Variants in FOXJ3 observed in about 807,000 individuals in gnomAD.
FOXJ3 encodes the protein forkhead box J3.
Under a neutral mutation model 76.1 loss-of-function variants are expected in FOXJ3, and 22 were observed. That is an observed-to-expected ratio of 0.29 (90% confidence interval 0.21 to 0.41). The LOEUF (loss-of-function observed/expected upper bound fraction) is 0.41. FOXJ3 is among the 10% of genes least tolerant of loss of function. FOXJ3 has a pLI of 1.00. For synonymous variants in FOXJ3, 269 were observed against 261.2 expected (o/e 1.03, Z -0.29); for missense variants, 613 against 762.1 (o/e 0.80, Z 2.30).
chr1:42,199,298 AATT>A, intron 6 of FOXJ3, 68 bp from the exon 7 acceptor site: 1 of 1,396,846 alleles, frequency 7.2e-7, no homozygotes, highest in East Asian at 2.3e-5. Flanking sequence ...GCAAAAATAC[AATT>A]GAGCAGGCAT....
At chr1:42,225,706 T>G (rs146167365) in intron 5 of FOXJ3, among the ~76,000 whole-genome samples, 2 of 152,260 alleles carry the variant, frequency 1.3e-5, no homozygotes, top group African/African-American at 4.8e-5. Context: ...ATTTTACATT[T>G]TAAACTTAAA....
chr1:42,277,241 C>T (rs1410798886), intron 3 of FOXJ3, among the ~76,000 whole-genome samples: 1 of 151,874 alleles, frequency 6.6e-6, no homozygotes, highest in African/African-American at 2.4e-5. Context: ...GCCAGGAGTT[C>T]GAGACCAGCA....
At position 42,191,636 on chromosome 1, in the gene FOXJ3, T is replaced by G. The variant is rs1569801292; in HGVS notation, c.1018A>C (p.Thr340Pro). 1.2e-6 allele frequency: 2 copies of G among 1,614,104 alleles called. No homozygotes were observed. The highest frequency in any genetic ancestry group is 1.7e-6 in the Non-Finnish European group (2 of 1,180,010). The change falls in exon 9 of 13, where the codon ACT becomes CCT. Residue 340 changes from threonine (T) to proline (P), a missense_variant. This residue lies in a region of FOXJ3 where 526 missense variants were observed against 601.4 expected (regional missense o/e 0.87). Coordinates refer to ENST00000361346, the MANE Select transcript of FOXJ3 (RefSeq NM_014947.5). ...CTGCTTTGGTTGCTGTGTGGGTGAG[T>G]GCTCACTGTACTGCTGGGAGAGTGC... ...YQHSPSSTVS[T>P]HPHSNQSSLS...
rs746923523 is a variant in FOXJ3, at chr1:42,194,933, C to G, written c.891G>C (p.Arg297=). 7.8e-5 allele frequency: 126 copies of G among 1,611,534 alleles called. No homozygotes were observed. The East Asian group carries it at 2.6e-3, about 34-fold the overall frequency. The change falls in exon 8 of 13, where the codon CGG becomes CGC. Residue 297 remains arginine, a synonymous_variant. Transcript: ENST00000361346. ...GCTCAAAAACTGACTTATAAAGGCT[C>G]CGAAATGAGGCACTAAGATCTTCAA... ...YNFEDLSASF[R]SLYKSVFEQS...
In FOXJ3 at chr1:42,291,619, C is replaced by T. The variant is rs150608959; in HGVS notation, c.45-12947G>A. ...AGTTTAAGACCAGCCTGGGCAACAT[C>T]GCAAGAACTCATCTCTAAAGAAAAA... On this transcript the variant is annotated intron_variant, in intron 2 of 12. Coordinates refer to ENST00000361346, the MANE Select transcript of FOXJ3 (RefSeq NM_014947.5). Among the ~76,000 whole-genome samples the T allele has an allele frequency of 8.6e-4, 131 of 151,990 alleles. 2 individuals are homozygous for T. Among genetic ancestry groups the T allele is most frequent in the Admixed American group, 3.5e-3 (53 of 15,272 alleles).
intron 4 of FOXJ3, among the ~76,000 whole-genome samples, chr1:42,241,335 G>A (rs1332010530): frequency 2.6e-5 from 4 of 152,204 alleles, no homozygotes; most frequent in South Asian, 2.1e-4. Flanking sequence ...ACGCCTTGAG[G>A]ACAGACTTCC....
chr1:42,278,638 T>TA lies in FOXJ3; in HGVS notation c.78dup (p.Met27TyrfsTer17). ...ATGGTGAGCTGTGGTAACCAGTCCA[T>TA]AGACGTTAGGCTGCTCTCCAGTTCA... On this transcript the variant is annotated frameshift_variant, in exon 3 of 13. Coordinates refer to ENST00000361346, the MANE Select transcript of FOXJ3 (RefSeq NM_014947.5). LOFTEE classifies it high-confidence loss of function. 1 of 1,614,102 alleles carries TA rather than the reference T, an allele frequency of 6.2e-7. No individual in the cohort carries two copies. The highest frequency in any genetic ancestry group is 8.5e-7 in the Non-Finnish European group (1 of 1,179,984).
intron 1 of FOXJ3, among the ~76,000 whole-genome samples, chr1:42,311,432 T>C (rs113695779): frequency 3.6e-3 from 549 of 152,282 alleles, no homozygotes; most frequent in Non-Finnish European, 5.8e-3. Flanking sequence ...ATTATGGCTA[T>C]GTCATAAAGT....
At position 42,220,279 on chromosome 1, in the gene FOXJ3, C is replaced by A. The variant is rs187467972; in HGVS notation, c.528+7604G>T. 3.3e-5 allele frequency among the ~76,000 whole-genome samples: 5 copies of A among 152,278 alleles called. 1 individual carries two copies. The highest frequency in any genetic ancestry group is 9.6e-5 in the African/African-American group (4 of 41,550). On this transcript the variant is annotated intron_variant, in intron 5 of 12. Transcript: ENST00000361346. ...GAAACAATACACTCAAAAACATACACCGTGAGTCTACTAATTTAAGAGGAA... is the reference window on the plus strand; with the variant it reads ...GAAACAATACACTCAAAAACATACAACGTGAGTCTACTAATTTAAGAGGAA...
At chr1:42,293,948 A>T (rs1483864058) in intron 2 of FOXJ3, among the ~76,000 whole-genome samples, 2 of 152,244 alleles carry the variant, frequency 1.3e-5, no homozygotes, top group African/African-American at 4.8e-5. Context: ...AGTAAGCACT[A>T]GTAGGGGGTG....
chr1:42,285,254 G>C (rs1217950885), intron 2 of FOXJ3, among the ~76,000 whole-genome samples: 1 of 151,972 alleles, frequency 6.6e-6, no homozygotes, highest in East Asian at 1.9e-4. Context: ...TATTCTTCCT[G>C]ATGCCCTCCC....
Position 42,199,119 on chromosome 1 carries a change from C to T in FOXJ3, c.742G>A (p.Val248Met). 2 of 1,613,528 alleles carry T rather than the reference C, an allele frequency of 1.2e-6. No individual in the cohort carries two copies. Among genetic ancestry groups the T allele is most frequent in the Non-Finnish European group, 1.7e-6 (2 of 1,179,536 alleles). The change falls in exon 7 of 13, where the codon GTG becomes ATG. Residue 248 changes from valine (V) to methionine (M), a missense_variant. Physicochemically the swap from Val to Met is conservative, Grantham distance 21. This residue lies in a region of FOXJ3 where 526 missense variants were observed against 601.4 expected (regional missense o/e 0.87). Transcript: ENST00000361346. ...AGACTTACCGGTGTATAACTATGCA[C>T]ACTTCCAACACTGTTCAAATTAACA... ...ASVNLNSVGSVHSYTPVTSHP... is the reference protein window; with the variant it reads ...ASVNLNSVGSMHSYTPVTSHP...
At chr1:42,260,643 G>A (rs1408843396) in intron 4 of FOXJ3, among the ~76,000 whole-genome samples, 1 of 152,012 alleles carries the variant, frequency 6.6e-6, no homozygotes. Flanking sequence ...CACTGCACTG[G>A]GCAAAAGGGC....
At chr1:42,264,774 T>G (rs536201253) in intron 4 of FOXJ3, among the ~76,000 whole-genome samples, 21 of 152,306 alleles carry the variant, frequency 1.4e-4, no homozygotes, top group Middle Eastern at 3.4e-3. Flanking sequence ...AGTGTAAGAA[T>G]ACTTCCACTT....
At chr1:42,237,143 A>AG (rs1648710461) in intron 4 of FOXJ3, among the ~76,000 whole-genome samples, 1 of 151,814 alleles carries the variant, frequency 6.6e-6, no homozygotes, top group South Asian at 2.1e-4. Flanking sequence ...TCGGAGGCCG[A>AG]GGGGGGTGGA....
At chr1:42,212,383 C>G (rs1055851752) in intron 5 of FOXJ3, among the ~76,000 whole-genome samples, 6 of 151,950 alleles carry the variant, frequency 3.9e-5, no homozygotes, top group African/African-American at 1.5e-4. Context: ...TATTTTAAAG[C>G]AAAGCCAATC....
rs188312328 is a variant in FOXJ3 at position 42,206,833 on chromosome 1, C to G, written c.529-970G>C. 1.5e-3 allele frequency among the ~76,000 whole-genome samples: 231 copies of G among 152,132 alleles called. 2 individuals carry two copies. Among genetic ancestry groups the G allele is most frequent in the Non-Finnish European group, 1.8e-3 (121 of 67,980 alleles). On this transcript the variant is annotated intron_variant, in intron 5 of 12. Coordinates refer to ENST00000361346, the MANE Select transcript of FOXJ3 (RefSeq NM_014947.5). ...ACATCAGGTCTTATTTCTTCTTCTT[C>G]TTCTTCTTGTTTTTTGGGATGGAGT...
intron 1 of FOXJ3, among the ~76,000 whole-genome samples, chr1:42,322,244 G>A (rs570424154): frequency 2.8e-4 from 43 of 152,150 alleles, no homozygotes; most frequent in Admixed American, 2.0e-3. Context: ...TCTGGATCTT[G>A]AGTCAACTAA....
rs558517036 is a variant in FOXJ3 at position 42,238,309 on chromosome 1, T to C, written c.445-10343A>G. On this transcript the variant is annotated intron_variant, in intron 4 of 12. Transcript: ENST00000361346. Reference sequence around the variant, plus strand: ...CTCAGTCTCCAAAGTGCTGTGATTATGGCATGGCCACCATGCCCAGCCGCC... The same window carrying C: ...CTCAGTCTCCAAAGTGCTGTGATTACGGCATGGCCACCATGCCCAGCCGCC... Among the ~76,000 whole-genome samples, 184 of 151,736 alleles carry C rather than the reference T, an allele frequency of 1.2e-3. 2 individuals are homozygous for C. Among genetic ancestry groups the C allele is most frequent in the Non-Finnish European group, 1.5e-4 (10 of 67,984 alleles).
Sources: gnomAD v4.1 joint callset for allele counts (sites outside exome capture counted in the v4.1 genomes callset) on GRCh38, gnomAD v4.1.1 for gene constraint, gnomAD v4.1.1 regional missense constraint, MANE v1.5 for transcripts, NCBI Gene and HGNC (gene_info 2026-07-23, HGNC 2026-07-21) for gene names.